Variants in ST8SIA1 observed in about 807,000 individuals in gnomAD.
The protein encoded by ST8SIA1 is ST8 alpha-N-acetyl-neuraminide alpha-2,8-sialyltransferase 1.
In ST8SIA1, 16 loss-of-function variants were observed where a neutral mutation model predicts 35.9. The observed-to-expected ratio is 0.45, with a 90% CI of 0.30 to 0.68. ST8SIA1 has a LOEUF of 0.68. ST8SIA1 is among the 30% of genes least tolerant of loss of function. The probability of loss-of-function intolerance (pLI) is 0.09; values close to 1 mark genes in which losing one functional copy is unlikely to be tolerated. For synonymous variants in ST8SIA1, 170 were observed against 169.6 expected, an observed-to-expected ratio of 1.00 and a Z score of -0.02; for missense variants, 383 against 453.6, an observed-to-expected ratio of 0.84 and a Z score of 1.41.
chr12:22,293,489 TAA>T (rs1242983604), intron 1 of ST8SIA1, among the ~76,000 whole-genome samples: 1 of 152,240 alleles, frequency 6.6e-6, no homozygotes, highest in East Asian at 1.9e-4. Flanking sequence ...GTCCTTATTG[TAA>T]AGTGTCCTGA....
intron 4 of ST8SIA1, among the ~76,000 whole-genome samples, chr12:22,221,006 C>A (rs566585683): frequency 6.6e-6 from 1 of 152,288 alleles, no homozygotes; most frequent in African/African-American, 2.4e-5. Flanking sequence ...GTCATGATTC[C>A]CAAAATATCA....
intron 3 of ST8SIA1, among the ~76,000 whole-genome samples, chr12:22,249,299 A>T (rs1163871720): frequency 6.6e-6 from 1 of 150,562 alleles, no homozygotes; most frequent in African/African-American, 2.4e-5. Context: ...GCTCACTGCA[A>T]GCTCCACCTG....
At position 22,197,323 on chromosome 12, in the gene ST8SIA1, T is replaced by C. The variant is rs1376566099; in HGVS notation, c.*4229A>G. On this transcript the variant is annotated 3_prime_UTR_variant, in exon 5 of 5. Transcript: ENST00000396037. ...TGGAATTCTACAAACATAGAGAATA[T>C]ATTACCTGGTGCTGGTGGGAAAGTA... The C allele has an allele frequency of 6.6e-6, 1 of 152,212 alleles. No homozygotes were observed. Among genetic ancestry groups the C allele is most frequent in the Non-Finnish European group, 1.5e-5 (1 of 68,050 alleles). The allele number at this position is 152,212 out of a possible 1,614,324, so 9.4% of individuals were successfully genotyped here.
intron 1 of ST8SIA1, among the ~76,000 whole-genome samples, chr12:22,305,144 T>G (rs1227401388): frequency 1.3e-5 from 2 of 152,182 alleles, no homozygotes; most frequent in African/African-American, 4.8e-5. Flanking sequence ...ATATATCTCT[T>G]TATTTATGTG....
At chr12:22,298,704 C>G (rs1406981642) in intron 1 of ST8SIA1, among the ~76,000 whole-genome samples, 1 of 152,202 alleles carries the variant, frequency 6.6e-6, no homozygotes, top group African/African-American at 2.4e-5. Context: ...CAACTCAGCT[C>G]CACACCAACA....
In ST8SIA1 at chr12:22,320,990, A is replaced by G. The variant is rs796190904; in HGVS notation, c.236+13007T>C. ...AAGAAAGAAAGAAAGAAAGAAAGAA[A>G]GAAAGAAAGAAAGAAGAAAGAAAGA... is the stretch of plus-strand genomic sequence containing the variant. On this transcript the variant is annotated intron_variant, in intron 1 of 4. Transcript: ENST00000396037. Among the ~76,000 whole-genome samples the G allele has an allele frequency of 5.0e-3, 588 of 118,706 alleles. 17 individuals are homozygous for G. In the South Asian group the frequency reaches 0.082, roughly 17 times the overall value. The allele number at this position is 118,706 out of a possible 152,430, so 77.9% of individuals were successfully genotyped here. A position where few individuals can be genotyped will look rare whatever the true frequency, so the allele number is the denominator to read the frequency against.
chr12:22,319,357 T>A (rs768041813), intron 1 of ST8SIA1, among the ~76,000 whole-genome samples: 3 of 152,256 alleles, frequency 2.0e-5, no homozygotes, highest in Non-Finnish European at 4.4e-5. Flanking sequence ...TAAATGTTCA[T>A]TAAATCTGAA....
At chr12:22,225,803 T>C (rs566775056) in intron 4 of ST8SIA1, among the ~76,000 whole-genome samples, 21 of 152,306 alleles carry the variant, frequency 1.4e-4, no homozygotes, top group Non-Finnish European at 2.6e-4. Context: ...CAAGAACCAC[T>C]GTTTGCTCAA....
Position 22,334,017 on chromosome 12 carries a change from C to T in ST8SIA1, c.216G>A (p.Gln72=). 6.2e-7 allele frequency: 1 copy of T among 1,613,944 alleles called. No individual in the cohort carries two copies. The highest frequency in any genetic ancestry group is 1.1e-5 in the South Asian group (1 of 91,080). Residue 72 remains glutamine, a synonymous_variant, in exon 1 of 5, where the codon CAG becomes CAA. Coordinates refer to ENST00000396037, the MANE Select transcript of ST8SIA1 (RefSeq NM_003034.4). ...LQQGTAWRRN[Q]TAARAFRKQM... ...AGTACCTGAACGCTCTGGCCGCGGTCTGGTTCCTCCTCCACGCCGTGCCCT... is the reference window on the plus strand; with the variant it reads ...AGTACCTGAACGCTCTGGCCGCGGTTTGGTTCCTCCTCCACGCCGTGCCCT...
At position 22,249,288 on chromosome 12, in the gene ST8SIA1, C is replaced by A. The variant is rs186479875; in HGVS notation, c.492-190G>T. ...GGCTGGAGTACAGTGGTGTGATCTCCGCTCACTGCAAGCTCCACCTGCCGG... is the reference window on the plus strand; with the variant it reads ...GGCTGGAGTACAGTGGTGTGATCTCAGCTCACTGCAAGCTCCACCTGCCGG... On this transcript the variant is annotated intron_variant, in intron 3 of 4. Transcript: ENST00000396037. 1.5e-4 allele frequency among the ~76,000 whole-genome samples: 22 copies of A among 150,218 alleles called. 1 individual carries two copies. The East Asian group carries it at 4.3e-3, about 29-fold the overall frequency.
chr12:22,265,555 G>A (rs1370557121), intron 2 of ST8SIA1, among the ~76,000 whole-genome samples: 1 of 152,142 alleles, frequency 6.6e-6, no homozygotes, highest in Non-Finnish European at 1.5e-5. Context: ...CAACTGTACT[G>A]ACTTCTTACA....
chr12:22,263,945 T>C (rs1865818927), intron 2 of ST8SIA1, among the ~76,000 whole-genome samples: 1 of 152,184 alleles, frequency 6.6e-6, no homozygotes, highest in Non-Finnish European at 1.5e-5. Context: ...TGTCAAAACA[T>C]ATGTTTGCCC....
chr12:22,325,952 G>A (rs1373440208), intron 1 of ST8SIA1: 9 of 678,904 alleles, frequency 1.3e-5, no homozygotes, highest in Admixed American at 2.2e-5. Context: ...GGGAAGATTC[G>A]CATCCCAGGC....
In ST8SIA1 at chr12:22,281,865, G is replaced by A. The variant is rs184042453; in HGVS notation, c.381+5284C>T. Among the ~76,000 whole-genome samples the A allele has an allele frequency of 1.1e-3, 172 of 151,424 alleles. 1 individual carries two copies. Among genetic ancestry groups the A allele is most frequent in the African/African-American group, 3.9e-3 (163 of 41,282 alleles). On this transcript the variant is annotated intron_variant, in intron 2 of 4. Transcript: ENST00000396037. Reference sequence around the variant, plus strand: ...AATAAAAAAAATACAAAGATTAGCCGGGTGTGGTAGCACACGCCTATAATC... The same window carrying A: ...AATAAAAAAAATACAAAGATTAGCCAGGTGTGGTAGCACACGCCTATAATC...
intron 1 of ST8SIA1, chr12:22,325,139 T>C (rs1866658600): frequency 3.3e-6 from 1 of 304,382 alleles, no homozygotes; most frequent in Admixed American, 4.8e-5. Flanking sequence ...TAAATATGTA[T>C]TCTTTCCAAA....
At chr12:22,249,163 T>A (rs1442149914) in intron 3 of ST8SIA1, 65 bp from the exon 4 acceptor site, 1 of 1,035,468 alleles carries the variant, frequency 9.7e-7, no homozygotes, top group Non-Finnish European at 1.5e-6. Context: ...GTTAGAATAA[T>A]ACAAATAGAA....
chr12:22,209,716 C>A (rs112321523), intron 4 of ST8SIA1, among the ~76,000 whole-genome samples: 1 of 152,160 alleles, frequency 6.6e-6, no homozygotes, highest in African/African-American at 2.4e-5. Context: ...TTTACTGCCA[C>A]CTACTCTCTC....
intron 2 of ST8SIA1, among the ~76,000 whole-genome samples, chr12:22,274,005 A>C (rs1865941541): frequency 6.6e-6 from 1 of 152,196 alleles, no homozygotes; most frequent in African/African-American, 2.4e-5. Context: ...AACAAGATGT[A>C]AGGGATCAAT....
intron 2 of ST8SIA1, among the ~76,000 whole-genome samples, chr12:22,267,983 T>C (rs1383963854): frequency 5.3e-5 from 8 of 152,184 alleles, no homozygotes; most frequent in Non-Finnish European, 1.5e-5. Flanking sequence ...ACTGTCCGTC[T>C]CACTAAGCAG....
Sources: gnomAD v4.1 joint callset for allele counts (sites outside exome capture counted in the v4.1 genomes callset) on GRCh38, gnomAD v4.1.1 for gene constraint, MANE v1.5 for transcripts, NCBI Gene and HGNC (gene_info 2026-07-23, HGNC 2026-07-21) for gene names.